The following GPC5 variants were observed in gnomAD, a reference collection of about 807,000 sequenced individuals.
The protein encoded by GPC5 is glypican-5.
A neutral mutation model predicts 53.9 loss-of-function variants in GPC5; 47 were observed. That is an observed-to-expected ratio of 0.87 (90% CI 0.69 to 1.11). The LOEUF is 1.11. Ranked by LOEUF, GPC5 falls within the 50% of genes most tolerant of loss-of-function variation. The pLI is 0.00. For synonymous variants in GPC5, 286 were observed against 263.3 expected (o/e 1.09, Z -0.84); for missense variants, 748 against 713.1 (o/e 1.05, Z -0.56).
At chr13:91,870,405 T>C (rs1401388520) in intron 5 of GPC5, among the ~76,000 whole-genome samples, 3 of 152,184 alleles carry the variant, frequency 2.0e-5, no homozygotes, top group Non-Finnish European at 4.4e-5. Context: ...TATTAGAATG[T>C]AAGGAAACTC....
intron 7 of GPC5, among the ~76,000 whole-genome samples, chr13:92,191,402 G>C (rs1301056326): frequency 6.6e-6 from 1 of 152,156 alleles, no homozygotes; most frequent in Non-Finnish European, 1.5e-5. Flanking sequence ...ATGTGGAGCA[G>C]CTGGAACTCT....
intron 7 of GPC5, among the ~76,000 whole-genome samples, chr13:92,665,557 T>C (rs193078194): frequency 4.6e-5 from 7 of 152,238 alleles, no homozygotes; most frequent in African/African-American, 1.7e-4. Flanking sequence ...AGGATTGATT[T>C]TGAGTTCATA....
chr13:92,124,578 T>C (rs547516808), intron 6 of GPC5, among the ~76,000 whole-genome samples: 2 of 152,290 alleles, frequency 1.3e-5, no homozygotes, highest in Admixed American at 1.3e-4. Flanking sequence ...GAATGGCTCA[T>C]GGATAAAAAT....
intron 7 of GPC5, among the ~76,000 whole-genome samples, chr13:92,425,033 C>G (rs537725910): frequency 6.6e-6 from 1 of 151,968 alleles, no homozygotes; most frequent in Non-Finnish European, 1.5e-5. Context: ...AAGTGCATCT[C>G]CAACCAGCAT....
intron 7 of GPC5, among the ~76,000 whole-genome samples, chr13:92,419,971 T>C (rs564968098): frequency 6.6e-6 from 1 of 152,262 alleles, no homozygotes; most frequent in African/African-American, 2.4e-5. Flanking sequence ...ACTCCAGCCA[T>C]TGTATAGTTA....
chr13:92,435,384 C>T lies in GPC5; in HGVS notation c.1561+290395C>T, dbSNP rs569348949. Among the ~76,000 whole-genome samples the T allele has an allele frequency of 3.3e-5, 5 of 152,112 alleles. 1 individual carries two copies. The highest frequency in any genetic ancestry group is 1.2e-4 in the African/African-American group (5 of 41,510). On this transcript the variant is annotated intron_variant, in intron 7 of 7. Coordinates refer to ENST00000377067, the MANE Select transcript of GPC5 (RefSeq NM_004466.6). Reference sequence around the variant, plus strand: ...TCTGGGAGAAGAGGGATTCAAATGACATAATTTCTATGGAACGGTTTTCAA... The same window carrying T: ...TCTGGGAGAAGAGGGATTCAAATGATATAATTTCTATGGAACGGTTTTCAA...
rs1017527360 is a variant in GPC5, at chr13:92,107,773, T to C, written c.1402-37057T>C. Reference sequence around the variant, plus strand: ...ACTGTACAGAATAAAATGTAACACATTGACCAAATGGTTTAATCAACTTCA... The same window carrying C: ...ACTGTACAGAATAAAATGTAACACACTGACCAAATGGTTTAATCAACTTCA... On this transcript the variant is annotated intron_variant, in intron 6 of 7. Coordinates refer to ENST00000377067, the MANE Select transcript of GPC5 (RefSeq NM_004466.6). Among the ~76,000 whole-genome samples, 7 of 152,178 alleles carry C rather than the reference T, an allele frequency of 4.6e-5. No homozygotes were observed. The South Asian group carries it at 1.0e-3, about 23-fold the overall frequency.
At chr13:92,395,769 G>T (rs1166445172) in intron 7 of GPC5, among the ~76,000 whole-genome samples, 1 of 152,032 alleles carries the variant, frequency 6.6e-6, no homozygotes, top group Admixed American at 6.6e-5. Context: ...TGCTTGCATG[G>T]TTTTTAATGG....
At chr13:92,694,817 G>A (rs1319403731) in intron 7 of GPC5, among the ~76,000 whole-genome samples, 1 of 152,128 alleles carries the variant, frequency 6.6e-6, no homozygotes, top group Non-Finnish European at 1.5e-5. Context: ...GATTTCAGAG[G>A]GGGGCATGGG....
intron 2 of GPC5, among the ~76,000 whole-genome samples, chr13:91,584,130 C>T (rs868474933): frequency 7.9e-5 from 12 of 152,076 alleles, no homozygotes; most frequent in Admixed American, 5.9e-4. Context: ...CATCTGCAAG[C>T]GAAAGAGAGG....
chr13:92,303,091 T>A (rs1001756282), intron 7 of GPC5, among the ~76,000 whole-genome samples: 6 of 152,168 alleles, frequency 3.9e-5, no homozygotes, highest in African/African-American at 1.2e-4. Context: ...TTCATTGTTT[T>A]TTTCCCCCCT....
At chr13:92,710,331 C>A (rs1888090428) in intron 7 of GPC5, among the ~76,000 whole-genome samples, 1 of 151,956 alleles carries the variant, frequency 6.6e-6, no homozygotes, top group Non-Finnish European at 1.5e-5. Flanking sequence ...ATTGAAACAG[C>A]CTCCAGATAA....
intron 7 of GPC5, among the ~76,000 whole-genome samples, chr13:92,758,324 G>T (rs1193503966): frequency 7.3e-6 from 1 of 136,904 alleles, no homozygotes; most frequent in African/African-American, 2.7e-5. Context: ...ACACTCTGGG[G>T]ACTGTTGTGG....
intron 5 of GPC5, among the ~76,000 whole-genome samples, chr13:91,824,291 T>A (rs553694110): frequency 1.3e-5 from 2 of 152,104 alleles, no homozygotes; most frequent in Admixed American, 1.3e-4. Flanking sequence ...TGGACTATGA[T>A]GGCATGAAAT....
chr13:92,468,071 G>T (rs1203708099), intron 7 of GPC5, among the ~76,000 whole-genome samples: 4 of 151,866 alleles, frequency 2.6e-5, no homozygotes, highest in Non-Finnish European at 5.9e-5. Flanking sequence ...TATAAAATGG[G>T]TCTAAGTGTT....
intron 6 of GPC5, among the ~76,000 whole-genome samples, chr13:92,081,392 G>A (rs971274696): frequency 6.6e-6 from 1 of 152,158 alleles, no homozygotes; most frequent in African/African-American, 2.4e-5. Context: ...TTGAGCCACC[G>A]CGCCTGACCT....
At chr13:92,746,470 G>A (rs1889244125) in intron 7 of GPC5, among the ~76,000 whole-genome samples, 1 of 152,056 alleles carries the variant, frequency 6.6e-6, no homozygotes, top group African/African-American at 2.4e-5. Context: ...AAATAATCAT[G>A]AGCATGATGC....
chr13:91,687,414 C>A (rs2035646365), intron 2 of GPC5, among the ~76,000 whole-genome samples: 1 of 151,892 alleles, frequency 6.6e-6, no homozygotes, highest in African/African-American at 2.4e-5. Context: ...AGTTTTCAGT[C>A]TTAGGTGTTT....
chr13:91,519,199 A>G (rs17405729), intron 2 of GPC5, among the ~76,000 whole-genome samples: 11,160 of 152,266 alleles, frequency 0.073, 510 homozygotes, highest in Middle Eastern at 0.13. Flanking sequence ...GCAATGTCCA[A>G]TCACTGTACC....
Sources: gnomAD v4.1 joint callset for allele counts (sites outside exome capture counted in the v4.1 genomes callset) on GRCh38, gnomAD v4.1.1 for gene constraint, MANE v1.5 for transcripts, NCBI Gene and HGNC (gene_info 2026-07-23, HGNC 2026-07-21) for gene names.